Variants in DNMT3A observed in about 807,000 individuals in gnomAD.
DNMT3A encodes the protein DNA (cytosine-5)-methyltransferase 3A.
Under a neutral mutation model 117.6 loss-of-function variants are expected in DNMT3A, and 267 were observed. That is an observed-to-expected ratio of 2.27 (90% CI 2.05 to 2.51). The LOEUF is 2.51. DNMT3A is among the 30% of genes most tolerant of loss of function. The probability of loss-of-function intolerance (pLI) is 0.00; values close to 1 mark genes in which losing one functional copy is unlikely to be tolerated. For missense variants in DNMT3A, 1,029 were observed against 1,260.2 expected, an observed-to-expected ratio of 0.82 and a Z score of 2.78; for synonymous variants, 432 against 474.8, an observed-to-expected ratio of 0.91 and a Z score of 1.17.
intron 16 of DNMT3A, among the ~76,000 whole-genome samples, chr2:25,243,636 G>C (rs543765354): frequency 6.6e-6 from 1 of 152,264 alleles, no homozygotes; most frequent in South Asian, 2.1e-4. Flanking sequence ...ATGATCACTC[G>C]GCCTCTGTGG....
chr2:25,331,880 C>A (rs1283297910), intron 1 of DNMT3A, among the ~76,000 whole-genome samples: 3 of 151,794 alleles, frequency 2.0e-5, no homozygotes, highest in Non-Finnish European at 4.4e-5. Flanking sequence ...GTGGGAGGCA[C>A]CTCCTGCTCT....
chr2:25,252,152 TC>T lies in DNMT3A; in HGVS notation c.640-3901del. 1 of 1,549,690 alleles carries T rather than the reference TC, an allele frequency of 6.5e-7. No homozygotes were observed. The highest frequency in any genetic ancestry group is 8.7e-7 in the Non-Finnish European group (1 of 1,148,296). ...AGATCCTCCCACCGGCCCTGCCGCCTCCCCGCCCCCGGTCTCCCCGGGGCTC... is the reference window on the plus strand; with the variant it reads ...AGATCCTCCCACCGGCCCTGCCGCCTCCCGCCCCCGGTCTCCCCGGGGCTC... On this transcript the variant is annotated intron_variant, in intron 6 of 22. Coordinates refer to ENST00000321117, the MANE Select transcript of DNMT3A (RefSeq NM_022552.5). This position sits in a 1 kb window ranked among gnomAD's most constrained non-coding sequence, Gnocchi z 5.5.
Position 25,254,411 on chromosome 2 carries a change from G to A in DNMT3A, c.640-6159C>T, listed in dbSNP as rs1675938449. On this transcript the variant is annotated intron_variant, in intron 6 of 22. Coordinates refer to ENST00000321117, the MANE Select transcript of DNMT3A (RefSeq NM_022552.5). This position sits in a 1 kb window ranked among gnomAD's most constrained non-coding sequence, Gnocchi z 4.7. ...AGAGAGCCTTCTACCTAGAAGACTT[G>A]GGTACAGACTCCCCCCCAACCCTGA... Among the ~76,000 whole-genome samples, 1 of 152,000 alleles carries A rather than the reference G, an allele frequency of 6.6e-6. No homozygotes were observed. The highest frequency in any genetic ancestry group is 6.6e-5 in the Admixed American group (1 of 15,266).
chr2:25,302,710 C>T (rs1215615030), intron 2 of DNMT3A, among the ~76,000 whole-genome samples: 1 of 152,230 alleles, frequency 6.6e-6, no homozygotes, highest in Admixed American at 6.5e-5. Context: ...AAGGATCACA[C>T]AGAGAGGACG....
At position 25,239,140 on chromosome 2, in the gene DNMT3A, C is replaced by T. The variant is rs757083492; in HGVS notation, c.2398G>A (p.Gly800Ser). The T allele has an allele frequency of 2.5e-6, 4 of 1,613,974 alleles. No homozygotes were observed. The highest frequency in any genetic ancestry group is 2.5e-6 in the Non-Finnish European group (3 of 1,179,898). Residue 800 changes from glycine to serine, a missense_variant, in exon 20 of 23, where the codon GGT becomes AGT. Coordinates refer to ENST00000321117, the MANE Select transcript of DNMT3A (RefSeq NM_022552.5). ...GGAGCTTTCACCAACCTGTTCATACCGGGAAGGTTACCCCAGAAGTAGCGG... is the reference window on the plus strand; with the variant it reads ...GGAGCTTTCACCAACCTGTTCATACTGGGAAGGTTACCCCAGAAGTAGCGG... ...RARYFWGNLP[G>S]MNRPLASTVN...
chr2:25,292,256 A>T (rs778956771), intron 3 of DNMT3A, among the ~76,000 whole-genome samples: 13 of 152,272 alleles, frequency 8.5e-5, no homozygotes, highest in Admixed American at 3.3e-4. Context: ...AAACTGAGAC[A>T]GGAGAATTGT....
At position 25,244,594 on chromosome 2, in the gene DNMT3A, G is replaced by A; in HGVS notation, c.1613C>T (p.Thr538Ile). Reference protein sequence around the residue: ...YDDDGYQSYCTICCGGREVLM... With the variant: ...YDDDGYQSYCIICCGGREVLM... ...CACCTCACGGCCCCCACAGCAGATG[G>A]TGCAGTAGGACTGGTAGCCGTCGTC... Residue 538 changes from threonine to isoleucine, a missense_variant, in exon 14 of 23, where the codon ACC becomes ATC. Thr to Ile is a moderately conservative substitution (Grantham distance 89, BLOSUM62 -1). Coordinates refer to ENST00000321117, the MANE Select transcript of DNMT3A (RefSeq NM_022552.5). 1 of 1,614,224 alleles carries A rather than the reference G, an allele frequency of 6.2e-7. No homozygotes were observed. Among genetic ancestry groups the A allele is most frequent in the Non-Finnish European group, 8.5e-7 (1 of 1,180,026 alleles).
chr2:25,242,097 C>T lies in DNMT3A; in HGVS notation c.1937-390G>A, dbSNP rs570789004. The T allele has an allele frequency of 1.4e-5, 3 of 221,644 alleles. No individual in the cohort carries two copies. In the South Asian group the frequency reaches 1.9e-4, roughly 14 times the overall value. 13.7% of individuals were successfully genotyped at this position (221,644 alleles called of 1,614,324 possible). A position where few individuals can be genotyped will look rare whatever the true frequency, so the allele number is the denominator to read the frequency against. Reference sequence around the variant, plus strand: ...AATTCTACCCCACCCTTTGACTCAACCTGAATGTTCCCTGCTCCACAAAGG... The same window carrying T: ...AATTCTACCCCACCCTTTGACTCAATCTGAATGTTCCCTGCTCCACAAAGG... On this transcript the variant is annotated intron_variant, in intron 16 of 22. Transcript: ENST00000321117.
chr2:25,284,385 G>A (rs1014446126), intron 3 of DNMT3A, among the ~76,000 whole-genome samples: 4 of 151,996 alleles, frequency 2.6e-5, no homozygotes, highest in African/African-American at 9.6e-5. Context: ...GGTGGCTTAC[G>A]CCTATAATCC....
Position 25,228,525 on chromosome 2 carries a change from A to G in DNMT3A, c.*5754T>C, listed in dbSNP as rs1204031078. ...AAATAAGTAAGCACCCGCTACTTCA[A>G]TGCCTCAGCTAAAACACATGAAATC... On this transcript the variant is annotated 3_prime_UTR_variant, in exon 23 of 23. Coordinates refer to ENST00000321117, the MANE Select transcript of DNMT3A (RefSeq NM_022552.5). 1.3e-5 allele frequency: 2 copies of G among 152,142 alleles called. No individual in the cohort carries two copies. Among genetic ancestry groups the G allele is most frequent in the African/African-American group, 4.8e-5 (2 of 41,426 alleles). The allele number at this position is 152,142 out of a possible 1,614,324, so 9.4% of individuals were successfully genotyped here.
chr2:25,312,376 G>C (rs149898374), intron 2 of DNMT3A, among the ~76,000 whole-genome samples: 1 of 152,222 alleles, frequency 6.6e-6, no homozygotes, highest in Non-Finnish European at 1.5e-5. Context: ...GGTCGCCCCG[G>C]GCGTCCTGCC....
intron 1 of DNMT3A, among the ~76,000 whole-genome samples, chr2:25,334,162 C>G (rs574344533): frequency 4.0e-4 from 61 of 152,284 alleles, no homozygotes; most frequent in Middle Eastern, 3.4e-3. Flanking sequence ...CAAGAGGCAC[C>G]CATGGGTGGG....
chr2:25,273,213 T>G (rs2031093630), intron 6 of DNMT3A, among the ~76,000 whole-genome samples: 1 of 151,936 alleles, frequency 6.6e-6, no homozygotes, highest in South Asian at 2.1e-4. Context: ...TGACCTTAGG[T>G]GATCCGCCCG....
At chr2:25,325,449 T>C (rs28564289) in intron 1 of DNMT3A, among the ~76,000 whole-genome samples, 303 of 152,254 alleles carry the variant, frequency 2.0e-3, no homozygotes, top group African/African-American at 7.1e-3. Context: ...GTCATCTGCA[T>C]GTTTCTCTAC....
chr2:25,235,971 G>C, intron 21 of DNMT3A, 146 bp from the exon 22 acceptor site: 2 of 706,972 alleles, frequency 2.8e-6, no homozygotes, highest in South Asian at 3.3e-5. Flanking sequence ...TGAGTGAGCA[G>C]AGTTCGCAGG....
rs765201589 is a variant in DNMT3A, at chr2:25,305,347, G to A, written c.73-5104C>T. Among the ~76,000 whole-genome samples the A allele has an allele frequency of 3.3e-5, 5 of 152,184 alleles. No homozygotes were observed. Among genetic ancestry groups the A allele is most frequent in the Non-Finnish European group, 7.3e-5 (5 of 68,042 alleles). ...CCTCTCTCTAAACATCTGAGGCTAC[G>A]ATCTGACCTACATTTCAACACTGCT... On this transcript the variant is annotated intron_variant, in intron 2 of 22. Transcript: ENST00000321117. This position sits in a 1 kb window ranked among gnomAD's most constrained non-coding sequence, Gnocchi z 4.1.
At chr2:25,264,807 A>T (rs1051922809) in intron 6 of DNMT3A, among the ~76,000 whole-genome samples, 9 of 152,312 alleles carry the variant, frequency 5.9e-5, no homozygotes, top group South Asian at 2.1e-4. Context: ...CCTTTAGAAG[A>T]GACGTATATG....
At chr2:25,283,434 T>TATGGGTGG (rs2032049127) in intron 3 of DNMT3A, among the ~76,000 whole-genome samples, 1 of 151,240 alleles carries the variant, frequency 6.6e-6, no homozygotes, top group African/African-American at 2.4e-5. Flanking sequence ...CTTAGAAGAT[T>TATGGGTGG]CCAGTGCCAC....
chr2:25,231,794 A>T lies in DNMT3A; in HGVS notation c.*2485T>A, dbSNP rs1672894544. On this transcript the variant is annotated 3_prime_UTR_variant, in exon 23 of 23. Transcript: ENST00000321117. Reference sequence around the variant, plus strand: ...TACCTGCTAGAGGAGAGCACCTGCTAAAAGAAACCTCCTCCTTTTCCTGCC... The same window carrying T: ...TACCTGCTAGAGGAGAGCACCTGCTTAAAGAAACCTCCTCCTTTTCCTGCC... The T allele has an allele frequency of 6.6e-6, 1 of 152,226 alleles. No individual in the cohort carries two copies. Among genetic ancestry groups the T allele is most frequent in the African/African-American group, 2.4e-5 (1 of 41,438 alleles). The allele number at this position is 152,226 out of a possible 1,614,324, so 9.4% of individuals were successfully genotyped here. A position where few individuals can be genotyped will look rare whatever the true frequency, so the allele number is the denominator to read the frequency against.
Sources: gnomAD v4.1 joint callset for allele counts (sites outside exome capture counted in the v4.1 genomes callset) on GRCh38, gnomAD v4.1.1 for gene constraint, Gnocchi (gnomAD v3.1) non-coding constraint, MANE v1.5 for transcripts, NCBI Gene and HGNC (gene_info 2026-07-23, HGNC 2026-07-21) for gene names.